Variants in FBXW7 observed in about 807,000 individuals in gnomAD.
FBXW7 encodes F-box and WD repeat domain containing 7.
In FBXW7, 11 loss-of-function variants were observed where a neutral mutation model predicts 86.3. That is an observed-to-expected ratio of 0.13 (90% CI 0.08 to 0.21). FBXW7 has a LOEUF of 0.21. Ranked by LOEUF, FBXW7 falls within the 10% of genes least tolerant of loss-of-function variation. FBXW7 has a pLI of 1.00. For missense variants in FBXW7, 488 were observed against 847.4 expected (o/e 0.58, Z 5.27); for synonymous variants, 313 against 297.9 (o/e 1.05, Z -0.52).
chr4:152,386,627 T>C (rs1579063809), intron 4 of FBXW7, among the ~76,000 whole-genome samples: 1 of 152,132 alleles, frequency 6.6e-6, no homozygotes, highest in Non-Finnish European at 1.5e-5. Flanking sequence ...CTTCTATAAT[T>C]CTGTCAAAAT....
chr4:152,502,539 G>T (rs892824362), intron 2 of FBXW7, among the ~76,000 whole-genome samples: 1 of 151,736 alleles, frequency 6.6e-6, no homozygotes. Context: ...TAACTCAATC[G>T]CAATACTTTT....
intron 4 of FBXW7, among the ~76,000 whole-genome samples, chr4:152,389,157 A>G (rs1217380519): frequency 6.6e-6 from 1 of 152,128 alleles, no homozygotes; most frequent in Non-Finnish European, 1.5e-5. Context: ...GGATGTGGAG[A>G]AAAAGAAATG....
At chr4:152,525,124 C>T (rs1050448049) in intron 2 of FBXW7, among the ~76,000 whole-genome samples, 4 of 152,090 alleles carry the variant, frequency 2.6e-5, no homozygotes, top group Admixed American at 6.6e-5. Context: ...TAATCCAAAT[C>T]GTTACCAATA....
At chr4:152,457,996 CTTTG>C (rs1341500314) in intron 2 of FBXW7, among the ~76,000 whole-genome samples, 4 of 150,568 alleles carry the variant, frequency 2.7e-5, no homozygotes, top group African/African-American at 9.7e-5. Context: ...AATATACTTT[CTTTG>C]TTTTTTGTTT....
At chr4:152,329,417 A>C (rs1343887162) in intron 10 of FBXW7, among the ~76,000 whole-genome samples, 1 of 151,924 alleles carries the variant, frequency 6.6e-6, no homozygotes, top group South Asian at 2.1e-4. Context: ...GAAAATGTTA[A>C]AGTATCTGTC....
intron 4 of FBXW7, chr4:152,382,050 T>C (rs1196473434): frequency 4.2e-6 from 2 of 472,836 alleles, no homozygotes; most frequent in Non-Finnish European, 7.3e-6. Context: ...ATCACTTATA[T>C]AAGTGTTTAC....
chr4:152,389,106 T>C (rs1354725294), intron 4 of FBXW7, among the ~76,000 whole-genome samples: 2 of 152,006 alleles, frequency 1.3e-5, no homozygotes, highest in African/African-American at 4.8e-5. Flanking sequence ...CCATTCAGAA[T>C]GGCTATTATT....
intron 9 of FBXW7, among the ~76,000 whole-genome samples, chr4:152,330,124 C>G (rs977813702): frequency 1.3e-5 from 2 of 151,650 alleles, no homozygotes; most frequent in Non-Finnish European, 3.0e-5. Context: ...CTTTGACACA[C>G]AAGAACAAAA....
At chr4:152,345,442 C>T (rs943005895) in intron 6 of FBXW7, among the ~76,000 whole-genome samples, 1 of 152,018 alleles carries the variant, frequency 6.6e-6, no homozygotes, top group Non-Finnish European at 1.5e-5. Context: ...ACTTTCATTC[C>T]TCTAACCCAG....
chr4:152,475,159 G>A (rs974183932), intron 2 of FBXW7, among the ~76,000 whole-genome samples: 12 of 150,868 alleles, frequency 8.0e-5, no homozygotes, highest in African/African-American at 2.7e-4. Flanking sequence ...GATAATAAGA[G>A]GCCAAGTGTG....
rs149680468 is a variant in FBXW7, at chr4:152,326,137, G to A, written c.1513C>T (p.Arg505Cys). 1 of 1,613,118 alleles carries A rather than the reference G, an allele frequency of 6.2e-7. No individual in the cohort carries two copies. Among genetic ancestry groups the A allele is most frequent in the Non-Finnish European group, 8.5e-7 (1 of 1,179,484 alleles). ...CTCCTGCCATCATATTGAACACAGCGGACTGCTGCAACATGACCCATCAAA... is the reference window on the plus strand; with the variant it reads ...CTCCTGCCATCATATTGAACACAGCAGACTGCTGCAACATGACCCATCAAA... Reference protein sequence around the residue: ...HVLMGHVAAVRCVQYDGRRVV... With the variant: ...HVLMGHVAAVCCVQYDGRRVV... The change falls in exon 12 of 14, where the codon CGC becomes TGC. Residue 505 changes from arginine (R) to cysteine (C), a missense_variant. Around this residue, in one of 4 missense-constraint regions of FBXW7, gnomAD observed 142 missense variants for 406.6 expected, o/e 0.35. Transcript: ENST00000281708.
At chr4:152,421,452 C>T (rs764644805) in intron 2 of FBXW7, among the ~76,000 whole-genome samples, 5 of 152,122 alleles carry the variant, frequency 3.3e-5, no homozygotes, top group Non-Finnish European at 5.9e-5. Flanking sequence ...AATCCCAGCA[C>T]TTGAGGAAGC....
rs1729685815 is a variant in FBXW7 at position 152,332,777 on chromosome 4, A to G, written c.862-58T>C. The G allele has an allele frequency of 1.4e-5, 12 of 828,974 alleles. No homozygotes were observed. In the South Asian group the frequency reaches 5.1e-4, roughly 35 times the overall value. 51.4% of individuals were successfully genotyped at this position (828,974 alleles called of 1,614,324 possible). A position where few individuals can be genotyped will look rare whatever the true frequency, so the allele number is the denominator to read the frequency against. ...TTTAAATAAATATATATATTATATA[A>G]TAAGTTAATTATTCTCCACAGGATG... On this transcript the variant is annotated intron_variant, in intron 7 of 13. Coordinates refer to ENST00000281708, the MANE Select transcript of FBXW7 (RefSeq NM_001349798.2).
intron 4 of FBXW7, among the ~76,000 whole-genome samples, chr4:152,371,893 A>G (rs1734036126): frequency 6.6e-6 from 1 of 152,008 alleles, no homozygotes; most frequent in Non-Finnish European, 1.5e-5. Flanking sequence ...AGAGACATGA[A>G]GGCATTTGTG....
At chr4:152,418,235 A>G (rs957404287) in intron 2 of FBXW7, among the ~76,000 whole-genome samples, 3 of 151,918 alleles carry the variant, frequency 2.0e-5, no homozygotes, top group African/African-American at 7.3e-5. Flanking sequence ...AGAAAACAGT[A>G]GGCTACAGTC....
At chr4:152,448,695 TG>T (rs1201125832) in intron 2 of FBXW7, among the ~76,000 whole-genome samples, 2 of 152,140 alleles carry the variant, frequency 1.3e-5, no homozygotes, top group Non-Finnish European at 2.9e-5. Context: ...GCTCTCTGGC[TG>T]AAAGAAACAC....
intron 2 of FBXW7, among the ~76,000 whole-genome samples, chr4:152,421,810 T>C (rs922489801): frequency 2.0e-5 from 3 of 152,178 alleles, no homozygotes; most frequent in African/African-American, 7.2e-5. Flanking sequence ...TGGGAACAGC[T>C]GGTTGGTGGA....
At chr4:152,334,052 TCAACAA>T (rs573332703) in intron 7 of FBXW7, among the ~76,000 whole-genome samples, 16 of 151,550 alleles carry the variant, frequency 1.1e-4, no homozygotes, top group East Asian at 7.7e-4. Context: ...AGATTCTGTC[TCAACAA>T]CAACAACAAC....
At chr4:152,426,729 T>C (rs1011932217) in intron 2 of FBXW7, among the ~76,000 whole-genome samples, 2 of 152,168 alleles carry the variant, frequency 1.3e-5, no homozygotes, top group Non-Finnish European at 2.9e-5. Context: ...TAGTGGGCCC[T>C]CAGCCAGGAC....
Sources: allele counts gnomAD v4.1 joint callset (sites outside exome capture counted in the v4.1 genomes callset), GRCh38; gene constraint gnomAD v4.1.1; regional missense constraint gnomAD v4.1.1; transcripts MANE v1.5; gene names NCBI Gene and HGNC (gene_info 2026-07-23, HGNC 2026-07-21).